NUP160: variants seen among roughly 807,000 people sequenced by gnomAD.
NUP160 encodes nuclear pore complex protein Nup160.
Under a neutral mutation model 196.9 loss-of-function variants are expected in NUP160, and 94 were observed. The observed-to-expected ratio is 0.48, with a 90% CI of 0.40 to 0.57. The LOEUF is 0.57. NUP160 is among the 20% of genes least tolerant of loss of function. The probability of loss-of-function intolerance (pLI) is 0.00; values close to 1 mark genes in which losing one functional copy is unlikely to be tolerated. For missense variants in NUP160, 1,638 were observed against 1,748.3 expected, an observed-to-expected ratio of 0.94 and a Z score of 1.13; for synonymous variants, 605 against 619.7, an observed-to-expected ratio of 0.98 and a Z score of 0.35.
intron 4 of NUP160, among the ~76,000 whole-genome samples, chr11:47,838,095 A>G (rs1288244201): frequency 1.3e-5 from 2 of 152,194 alleles, no homozygotes; most frequent in Non-Finnish European, 2.9e-5. Context: ...AGGAGTACAG[A>G]GAGTGCCAGG....
chr11:47,840,455 G>A (rs760441147), exon 3 of NUP160: 42 of 1,614,012 alleles, frequency 2.6e-5, no homozygotes, highest in Non-Finnish European at 3.4e-5. Flanking sequence ...ATTATCACAC[G>A]ATTCTGAGTC....
At chr11:47,779,049 T>TA (rs765052941) in exon 36 of NUP160, 2 of 1,222,836 alleles carry the variant, frequency 1.6e-6, no homozygotes, top group Non-Finnish European at 2.4e-6. Context: ...TCCTGTAGGG[T>TA]AGTCTTAAGT....
chr11:47,807,046 AT>A, intron 19 of NUP160, 23 bp downstream of exon 19: 1 of 1,517,230 alleles, frequency 6.6e-7, no homozygotes, highest in East Asian at 2.3e-5. Flanking sequence ...TTAAAATGAA[AT>A]GTGTACATAG....
exon 4 of NUP160, chr11:47,839,920 T>C: frequency 6.2e-7 from 1 of 1,614,158 alleles, no homozygotes; most frequent in Non-Finnish European, 8.5e-7. Flanking sequence ...GGCCTCCCCA[T>C]CACTGCTGAG....
intron 7 of NUP160, among the ~76,000 whole-genome samples, chr11:47,830,053 A>T (rs1852044285): frequency 6.6e-6 from 1 of 152,212 alleles, no homozygotes; most frequent in African/African-American, 2.4e-5. Context: ...AAAGTGGGCA[A>T]AGGACATGAA....
At chr11:47,836,905 T>C in exon 6 of NUP160, 1 of 1,605,048 alleles carries the variant, frequency 6.2e-7, no homozygotes, top group Non-Finnish European at 8.5e-7. Flanking sequence ...ACCACATTCG[T>C]AGTTTATGAT....
At chr11:47,814,670 T>C (rs2097683314) in intron 13 of NUP160, among the ~76,000 whole-genome samples, 1 of 152,136 alleles carries the variant, frequency 6.6e-6, no homozygotes, top group Admixed American at 6.6e-5. Context: ...TATAATATTA[T>C]GTCAATATCA....
At chr11:47,803,815 C>T (rs1296777571) in intron 21 of NUP160, among the ~76,000 whole-genome samples, 4 of 152,054 alleles carry the variant, frequency 2.6e-5, no homozygotes, top group Non-Finnish European at 4.4e-5. Flanking sequence ...GACTAGATTC[C>T]AGTAAAGGAT....
chr11:47,814,017 G>T (rs1194498604), intron 13 of NUP160, among the ~76,000 whole-genome samples: 4 of 124,950 alleles, frequency 3.2e-5, no homozygotes, highest in African/African-American at 1.2e-4. Context: ...GTTGCAGTGT[G>T]TTGAGATCGT....
rs139906072 is a variant in NUP160 at position 47,791,413 on chromosome 11, C to T, written c.3511+517G>A. On this transcript the variant is annotated intron_variant, in intron 29 of 35. Transcript: ENST00000378460. The stretch of plus-strand genomic sequence containing the variant: ...GGAGTGCAGTGGCACGATGTGTGCT[C>T]ACGGCAACCTCTGCTTCCTGGATTC... 4.9e-3 allele frequency among the ~76,000 whole-genome samples: 744 copies of T among 152,274 alleles called. 6 individuals carry two copies. The highest frequency in any genetic ancestry group is 0.017 in the African/African-American group (717 of 41,564).
chr11:47,782,163 A>T (rs2097661246), intron 34 of NUP160, among the ~76,000 whole-genome samples: 1 of 151,346 alleles, frequency 6.6e-6, no homozygotes, highest in Admixed American at 6.6e-5. Flanking sequence ...AGGTGCCTGT[A>T]ATCCCAGCTA....
chr11:47,822,733 C>A (rs892215743), intron 7 of NUP160, among the ~76,000 whole-genome samples: 1 of 152,166 alleles, frequency 6.6e-6, no homozygotes, highest in African/African-American at 2.4e-5. Flanking sequence ...CCCTACCCCA[C>A]GACAGGTGCC....
At chr11:47,813,788 T>C (rs1300929003) in intron 13 of NUP160, among the ~76,000 whole-genome samples, 5 of 151,858 alleles carry the variant, frequency 3.3e-5, no homozygotes, top group African/African-American at 4.8e-5. Flanking sequence ...AGAGTGCCAC[T>C]GGGCCGGGCG....
intron 9 of NUP160, chr11:47,821,469 T>G: frequency 2.7e-6 from 1 of 372,608 alleles, no homozygotes; most frequent in Non-Finnish European, 4.9e-6. Context: ...GCGATTCTCA[T>G]GCTACAGCCT....
intron 4 of NUP160, among the ~76,000 whole-genome samples, chr11:47,838,288 G>A (rs571673493): frequency 6.6e-6 from 1 of 152,322 alleles, no homozygotes; most frequent in Non-Finnish European, 1.5e-5. Flanking sequence ...GGAATTACAA[G>A]AAGGCATGTG....
chr11:47,844,971 C>T lies in NUP160; in HGVS notation c.314+2877G>A, dbSNP rs780393628. ...GTCCTCACTGCTACACTCCCATCAA[C>T]GCCATGACAGTTTACAAATGCCATG... On this transcript the variant is annotated intron_variant, in intron 2 of 35. Transcript: ENST00000378460. 2.0e-5 allele frequency among the ~76,000 whole-genome samples: 3 copies of T among 152,292 alleles called. 1 individual carries two copies. The highest frequency in any genetic ancestry group is 4.1e-4 in the South Asian group (2 of 4,820).
intron 12 of NUP160, 44 bp from the exon 13 acceptor site, chr11:47,815,693 C>T: frequency 1.3e-6 from 2 of 1,485,052 alleles, no homozygotes; most frequent in Non-Finnish European, 9.1e-7. Flanking sequence ...TGATGCCATT[C>T]AGGATCTTTG....
At chr11:47,785,273 G>A (rs978997844) in intron 32 of NUP160, among the ~76,000 whole-genome samples, 13 of 151,776 alleles carry the variant, frequency 8.6e-5, no homozygotes, top group Admixed American at 7.9e-4. Context: ...GGGAATACAG[G>A]CATGCACCAC....
At chr11:47,801,894 C>T (rs763146289) in exon 23 of NUP160, 2 of 1,613,796 alleles carry the variant, frequency 1.2e-6, no homozygotes, top group Non-Finnish European at 1.7e-6. Context: ...TCCTCTTTGC[C>T]TACTTCAGAT....
Sources: gnomAD v4.1 joint callset for allele counts (sites outside exome capture counted in the v4.1 genomes callset) on GRCh38, gnomAD v4.1.1 for gene constraint, MANE v1.5 for transcripts, NCBI Gene and HGNC (gene_info 2026-07-23, HGNC 2026-07-21) for gene names.